Variants in PRKAG2 observed in about 807,000 individuals in gnomAD.
PRKAG2 encodes protein kinase AMP-activated non-catalytic subunit gamma 2, also known as 5'-AMP-activated protein kinase subunit gamma-2.
Under a neutral mutation model 69.6 loss-of-function variants are expected in PRKAG2, and 26 were observed. The ratio of observed to expected loss-of-function variants is 0.37; its 90% CI spans 0.27 to 0.52. The LOEUF (loss-of-function observed/expected upper bound fraction) is 0.52, where lower values mean the gene tolerates loss of function less well. Among genes scored for constraint, PRKAG2 ranks in the 20% least tolerant of loss-of-function variants. The pLI, the probability that PRKAG2 is intolerant of heterozygous loss-of-function variation, is 0.90. For missense variants in PRKAG2, 557 were observed against 740.0 expected (o/e 0.75, Z 2.87); for synonymous variants, 293 against 285.0 (o/e 1.03, Z -0.28).
chr7:151,574,675 T>G (rs1416483305), intron 8 of PRKAG2, among the ~76,000 whole-genome samples: 1 of 152,212 alleles, frequency 6.6e-6, no homozygotes. Context: ...TCCTGAGAAT[T>G]CCTTCTTTGA....
At chr7:151,718,211 C>T (rs950462042) in intron 3 of PRKAG2, among the ~76,000 whole-genome samples, 5 of 152,182 alleles carry the variant, frequency 3.3e-5, no homozygotes, top group Admixed American at 1.3e-4. Context: ...GGTGCCAGCC[C>T]TGTTGGTTTC....
At position 151,583,069 on chromosome 7, in the gene PRKAG2, C is replaced by T. The variant is rs1478930863; in HGVS notation, c.865-6617G>A. ...AGGGTCTTACTCTGTTGCCCAGGCT[C>T]AAGTATAGTGGTATGATCACGGCTC... On this transcript the variant is annotated intron_variant, in intron 6 of 15. Coordinates refer to ENST00000287878, the MANE Select transcript of PRKAG2 (RefSeq NM_016203.4). This position sits in a 1 kb window ranked among gnomAD's most constrained non-coding sequence, Gnocchi z 4.1. Among the ~76,000 whole-genome samples, 2 of 152,142 alleles carry T rather than the reference C, an allele frequency of 1.3e-5. No individual in the cohort carries two copies.
At chr7:151,724,584 G>A (rs776824174) in intron 3 of PRKAG2, among the ~76,000 whole-genome samples, 2 of 152,138 alleles carry the variant, frequency 1.3e-5, no homozygotes, top group Non-Finnish European at 2.9e-5. Context: ...TCCAGGTCCC[G>A]TCGTCGCCCT....
intron 3 of PRKAG2, among the ~76,000 whole-genome samples, chr7:151,734,848 CTTTTT>C (rs35008070): frequency 3.3e-5 from 3 of 90,086 alleles, no homozygotes; most frequent in African/African-American, 5.1e-5. Context: ...AAATCTGATT[CTTTTT>C]TTTTTTTTTT....
chr7:151,728,882 G>GAGCAGCAGC (rs1383468080), intron 3 of PRKAG2, among the ~76,000 whole-genome samples: 10 of 152,186 alleles, frequency 6.6e-5, no homozygotes, highest in Non-Finnish European at 1.2e-4. Flanking sequence ...TCCTGACTTA[G>GAGCAGCAGC]AGCAGCAGCT....
chr7:151,575,012 A>T, intron 7 of PRKAG2, 63 bp from the exon 8 acceptor site: 1 of 1,597,984 alleles, frequency 6.3e-7, no homozygotes. Context: ...ATTTCAAATG[A>T]CAAGTGAGCC....
At position 151,756,131 on chromosome 7, in the gene PRKAG2, C is replaced by T. The variant is rs1024573542; in HGVS notation, c.466+25021G>A. 6.6e-6 allele frequency among the ~76,000 whole-genome samples: 1 copy of T among 152,170 alleles called. No individual in the cohort carries two copies. The highest frequency in any genetic ancestry group is 1.5e-5 in the Non-Finnish European group (1 of 68,032). ...ATGCCGGCAGCCACAGGTCCCTCTG[C>T]CCCCAAAGCAGGTCTCGCCTCTGCA... On this transcript the variant is annotated intron_variant, in intron 3 of 15. Coordinates refer to ENST00000287878, the MANE Select transcript of PRKAG2 (RefSeq NM_016203.4). This position sits in a 1 kb window ranked among gnomAD's most constrained non-coding sequence, Gnocchi z 4.9.
intron 4 of PRKAG2, among the ~76,000 whole-genome samples, chr7:151,646,788 A>C (rs1309098671): frequency 6.6e-6 from 1 of 152,208 alleles, no homozygotes; most frequent in Non-Finnish European, 1.5e-5. Context: ...ATTACAGATT[A>C]CCTATGTCAT....
intron 3 of PRKAG2, among the ~76,000 whole-genome samples, chr7:151,734,852 T>C (rs1437046106): frequency 1.5e-5 from 2 of 136,384 alleles, no homozygotes; most frequent in African/African-American, 2.8e-5. Context: ...CTGATTCTTT[T>C]TTTTTTTTTT....
intron 4 of PRKAG2, among the ~76,000 whole-genome samples, chr7:151,637,436 A>C (rs1483381855): frequency 6.6e-6 from 1 of 152,222 alleles, no homozygotes; most frequent in Non-Finnish European, 1.5e-5. Context: ...TATGTACGTC[A>C]GGAGGACCGC....
rs113654522 is a variant in PRKAG2, at chr7:151,632,808, ATT to A, written c.685-672_685-671del. ...TTGTAGATGCACTTTGTCGCTATCC[ATT>A]TTTTTTTTTCCAGCATGGAACTCTT... On this transcript the variant is annotated intron_variant, in intron 4 of 15. Coordinates refer to ENST00000287878, the MANE Select transcript of PRKAG2 (RefSeq NM_016203.4). This position sits in a 1 kb window ranked among gnomAD's most constrained non-coding sequence, Gnocchi z 4.2. 0.016 allele frequency: 2,365 copies of A among 150,368 alleles called. 59 individuals are homozygous for A. Among genetic ancestry groups the A allele is most frequent in the African/African-American group, 0.056 (2,247 of 40,384 alleles). 9.3% of individuals were successfully genotyped at this position (150,368 alleles called of 1,614,324 possible).
chr7:151,636,064 G>T (rs1825689814), intron 4 of PRKAG2, among the ~76,000 whole-genome samples: 1 of 151,336 alleles, frequency 6.6e-6, no homozygotes, highest in African/African-American at 2.4e-5. Context: ...TGTTAGCCAA[G>T]ATGGTCTCGA....
At chr7:151,634,007 G>A (rs2151335859) in intron 4 of PRKAG2, among the ~76,000 whole-genome samples, 1 of 152,322 alleles carries the variant, frequency 6.6e-6, no homozygotes, top group East Asian at 1.9e-4. Flanking sequence ...TCGGCTCACT[G>A]CAAGCTCTGC....
At chr7:151,806,269 A>G (rs1448942799) in intron 1 of PRKAG2, among the ~76,000 whole-genome samples, 1 of 152,230 alleles carries the variant, frequency 6.6e-6, no homozygotes, top group African/African-American at 2.4e-5. Context: ...CTCTTGGGTG[A>G]ACTCCTAAAT....
In PRKAG2 at chr7:151,632,390, C is replaced by T. The variant is rs1277150472; in HGVS notation, c.685-252G>A. On this transcript the variant is annotated intron_variant, in intron 4 of 15. Coordinates refer to ENST00000287878, the MANE Select transcript of PRKAG2 (RefSeq NM_016203.4). This position sits in a 1 kb window ranked among gnomAD's most constrained non-coding sequence, Gnocchi z 4.2. The stretch of plus-strand genomic sequence containing the variant: ...CCCTCCGCGAGTGGGACGCGCCGCT[C>T]CCCCCCGCGCCTTGGTACGGCCCGC... 9 of 449,024 alleles carry T rather than the reference C, an allele frequency of 2.0e-5. No individual in the cohort carries two copies. The highest frequency in any genetic ancestry group is 2.6e-5 in the Non-Finnish European group (9 of 341,946). The allele number at this position is 449,024 out of a possible 1,614,324, so 27.8% of individuals were successfully genotyped here. A position where few individuals can be genotyped will look rare whatever the true frequency, so the allele number is the denominator to read the frequency against.
intron 1 of PRKAG2, among the ~76,000 whole-genome samples, chr7:151,811,905 C>T (rs1349967576): frequency 6.6e-6 from 1 of 152,196 alleles, no homozygotes; most frequent in Non-Finnish European, 1.5e-5. Flanking sequence ...CGAGTTTGAG[C>T]TCTAGTTTGC....
At chr7:151,598,964 G>A (rs1231844031) in intron 5 of PRKAG2, among the ~76,000 whole-genome samples, 3 of 151,904 alleles carry the variant, frequency 2.0e-5, no homozygotes, top group Admixed American at 6.6e-5. Context: ...AGATTCTCCT[G>A]CCTCAGCCTC....
intron 4 of PRKAG2, among the ~76,000 whole-genome samples, chr7:151,646,689 A>T (rs1827617194): frequency 6.6e-6 from 1 of 152,208 alleles, no homozygotes; most frequent in Non-Finnish European, 1.5e-5. Flanking sequence ...TATTATACAT[A>T]ACTCTGATTC....
intron 3 of PRKAG2, among the ~76,000 whole-genome samples, chr7:151,716,854 C>T (rs924340404): frequency 6.6e-6 from 1 of 152,196 alleles, no homozygotes; most frequent in African/African-American, 2.4e-5. Context: ...TGGGTACACA[C>T]CCCGCACCTT....
Sources: gnomAD v4.1 joint callset for allele counts (sites outside exome capture counted in the v4.1 genomes callset) on GRCh38, gnomAD v4.1.1 for gene constraint, Gnocchi (gnomAD v3.1) non-coding constraint, MANE v1.5 for transcripts, NCBI Gene and HGNC (gene_info 2026-07-23, HGNC 2026-07-21) for gene names.